SYNDIG1: variants seen among roughly 807,000 people sequenced by gnomAD.
SYNDIG1 encodes synapse differentiation inducing 1.
SYNDIG1 carries 9 observed loss-of-function variants against 19.4 expected under a neutral mutation model. That is an observed-to-expected ratio of 0.46 (90% CI 0.28 to 0.81). The LOEUF (loss-of-function observed/expected upper bound fraction) is 0.81. SYNDIG1 is among the 30% of genes least tolerant of loss of function. The probability of loss-of-function intolerance (pLI) is 0.12; values close to 1 mark genes in which losing one functional copy is unlikely to be tolerated. For synonymous variants in SYNDIG1, 141 were observed against 145.9 expected, an observed-to-expected ratio of 0.97 and a Z score of 0.24; for missense variants, 311 against 343.3, an observed-to-expected ratio of 0.91 and a Z score of 0.74.
At chr20:24,569,948 A>G (rs182458413) in intron 2 of SYNDIG1, among the ~76,000 whole-genome samples, 3 of 152,348 alleles carry the variant, frequency 2.0e-5, no homozygotes, top group Non-Finnish European at 4.4e-5. Context: ...TGTTGTATCT[A>G]TTTGAAGTGC....
chr20:24,661,524 A>AAGAG, intron 3 of SYNDIG1, among the ~76,000 whole-genome samples: 3 of 13,956 alleles, frequency 2.1e-4, no homozygotes, highest in Non-Finnish European at 4.0e-4. Context: ...GGAGGGAGGG[A>AAGAG]GGAAAAAAGG....
At chr20:24,542,193 G>T (rs920087206) in intron 1 of SYNDIG1, among the ~76,000 whole-genome samples, 8 of 150,050 alleles carry the variant, frequency 5.3e-5, no homozygotes, top group Admixed American at 1.3e-4. Context: ...AGAAAAAAAA[G>T]TTGTTCTTTT....
chr20:24,483,488 G>T (rs918596851), intron 1 of SYNDIG1, among the ~76,000 whole-genome samples: 36 of 152,144 alleles, frequency 2.4e-4, no homozygotes. Flanking sequence ...CACGTCCTAT[G>T]CCCAGAGCTA....
intron 1 of SYNDIG1, among the ~76,000 whole-genome samples, chr20:24,470,077 G>A (rs2055376644): frequency 6.6e-6 from 1 of 152,214 alleles, no homozygotes; most frequent in South Asian, 2.1e-4. Flanking sequence ...GACGCGAAGG[G>A]GCTGCTGTGC....
chr20:24,601,080 G>A (rs1600719467), intron 3 of SYNDIG1, among the ~76,000 whole-genome samples: 1 of 152,114 alleles, frequency 6.6e-6, no homozygotes, highest in African/African-American at 2.4e-5. Flanking sequence ...AAAGCTTTTT[G>A]TGCAAATGGA....
intron 2 of SYNDIG1, among the ~76,000 whole-genome samples, chr20:24,568,152 A>G (rs1470674836): frequency 1.3e-5 from 2 of 152,150 alleles, no homozygotes; most frequent in Non-Finnish European, 2.9e-5. Flanking sequence ...AAAAAAACAC[A>G]AAAAAGAAAG....
chr20:24,583,750 A>T (rs1041167672), intron 2 of SYNDIG1, among the ~76,000 whole-genome samples: 1 of 152,152 alleles, frequency 6.6e-6, no homozygotes, highest in Non-Finnish European at 1.5e-5. Context: ...CATTGGAATC[A>T]TCTGAGCTGC....
chr20:24,470,424 A>C (rs2055394072), intron 1 of SYNDIG1, among the ~76,000 whole-genome samples: 1 of 152,234 alleles, frequency 6.6e-6, no homozygotes, highest in African/African-American at 2.4e-5. Context: ...ACCTGCCTTC[A>C]AAAGCTGTCT....
At chr20:24,539,549 A>C (rs192664635) in intron 1 of SYNDIG1, among the ~76,000 whole-genome samples, 1 of 152,126 alleles carries the variant, frequency 6.6e-6, no homozygotes, top group Non-Finnish European at 1.5e-5. Context: ...ACTTTGTTCT[A>C]AGTCCAGCCT....
At chr20:24,553,539 T>C (rs2057749951) in intron 2 of SYNDIG1, among the ~76,000 whole-genome samples, 1 of 152,226 alleles carries the variant, frequency 6.6e-6, no homozygotes, top group Admixed American at 6.5e-5. Flanking sequence ...GGCTAGCCAG[T>C]TTTCCCAGCA....
At chr20:24,601,058 T>C (rs994079095) in intron 3 of SYNDIG1, among the ~76,000 whole-genome samples, 9 of 152,250 alleles carry the variant, frequency 5.9e-5, no homozygotes, top group Non-Finnish European at 1.5e-5. Context: ...TTAATGGCTG[T>C]TGGATTTACC....
intron 2 of SYNDIG1, among the ~76,000 whole-genome samples, chr20:24,552,933 A>G (rs1209954382): frequency 6.6e-6 from 1 of 152,164 alleles, no homozygotes; most frequent in African/African-American, 2.4e-5. Context: ...CCAACAGTGT[A>G]AAAGTGTTCC....
At chr20:24,505,689 A>C (rs946849303) in intron 1 of SYNDIG1, among the ~76,000 whole-genome samples, 9 of 152,204 alleles carry the variant, frequency 5.9e-5, no homozygotes, top group Non-Finnish European at 1.3e-4. Flanking sequence ...GATGCCTCTC[A>C]GTGTTCTCCT....
At chr20:24,585,090 C>G in intron 3 of SYNDIG1, 97 bp downstream of exon 3, 1 of 1,457,394 alleles carries the variant, frequency 6.9e-7, no homozygotes, top group South Asian at 1.3e-5. Flanking sequence ...CAAGGAAGCC[C>G]AAACAGCTCC....
intron 1 of SYNDIG1, among the ~76,000 whole-genome samples, chr20:24,481,661 C>T (rs546017832): frequency 1.3e-5 from 2 of 152,188 alleles, no homozygotes; most frequent in Non-Finnish European, 2.9e-5. Context: ...ACCATGTATT[C>T]AATCTGCCAT....
chr20:24,472,996 T>C (rs1331931716), intron 1 of SYNDIG1, among the ~76,000 whole-genome samples: 3 of 152,348 alleles, frequency 2.0e-5, no homozygotes, highest in African/African-American at 7.2e-5. Context: ...TGACTCCAGC[T>C]TGACCCTGTG....
chr20:24,572,173 T>C (rs571944101), intron 2 of SYNDIG1, among the ~76,000 whole-genome samples: 1 of 152,338 alleles, frequency 6.6e-6, no homozygotes, highest in East Asian at 1.9e-4. Context: ...GCAATACTCC[T>C]TGTGTCAGTC....
At chr20:24,582,664 C>T (rs1189317668) in intron 2 of SYNDIG1, among the ~76,000 whole-genome samples, 4 of 152,158 alleles carry the variant, frequency 2.6e-5, no homozygotes, top group Non-Finnish European at 5.9e-5. Flanking sequence ...TTATGCATCC[C>T]TGTGGGCTGT....
intron 1 of SYNDIG1, among the ~76,000 whole-genome samples, chr20:24,504,531 T>TGGAGACCTA (rs2056539553): frequency 6.6e-6 from 1 of 151,874 alleles, no homozygotes; most frequent in Non-Finnish European, 1.5e-5. Flanking sequence ...TGGCTCTAGG[T>TGGAGACCTA]CTCCATCTGT....
Sources: allele counts gnomAD v4.1 joint callset (sites outside exome capture counted in the v4.1 genomes callset), GRCh38; gene constraint gnomAD v4.1.1; transcripts MANE v1.5; gene names NCBI Gene and HGNC (gene_info 2026-07-23, HGNC 2026-07-21).